Variants in TBL1X observed in about 807,000 individuals in gnomAD.
TBL1X encodes F-box-like/WD repeat-containing protein TBL1X.
TBL1X carries 10 observed loss-of-function variants against 50.7 expected under a neutral mutation model. The ratio of observed to expected loss-of-function variants is 0.20; its 90% confidence interval spans 0.12 to 0.33. The LOEUF (loss-of-function observed/expected upper bound fraction) is 0.33, where lower values mean the gene tolerates loss of function less well. Ranked by LOEUF, TBL1X falls within the 10% of genes least tolerant of loss-of-function variation. TBL1X has a pLI of 1.00. For synonymous variants in TBL1X, 190 were observed against 214.7 expected, an observed-to-expected ratio of 0.88 and a Z score of 1.01; for missense variants, 340 against 504.4, an observed-to-expected ratio of 0.67 and a Z score of 3.12.
chrX:9,692,683 T>C (rs769838463), intron 9 of TBL1X, among the ~76,000 whole-genome samples: 3 of 112,875 alleles, frequency 2.7e-5, no homozygotes, highest in African/African-American at 9.6e-5. Context: ...GCTGGGATTA[T>C]AGGCGTGAGC....
intron 15 of TBL1X, 42 bp from the exon 16 acceptor site, chrX:9,711,569 C>A (rs755995762): frequency 1.8e-6 from 2 of 1,118,366 alleles, no homozygotes; most frequent in African/African-American, 1.8e-5. Flanking sequence ...TGTTTGAAAC[C>A]ACCGTGTGTA....
intron 2 of TBL1X, among the ~76,000 whole-genome samples, chrX:9,588,607 A>ATT (rs112613645): frequency 4.4e-4 from 44 of 100,524 alleles, no homozygotes; most frequent in East Asian, 9.4e-4. Flanking sequence ...ATTCATTTTG[A>ATT]TTTTTTTTTT....
chrX:9,608,122 C>T (rs182030630), intron 2 of TBL1X, among the ~76,000 whole-genome samples: 4 of 110,860 alleles, frequency 3.6e-5, no homozygotes, highest in African/African-American at 1.3e-4. Flanking sequence ...TCAATTTGGG[C>T]TTGTTCAGTG....
intron 1 of TBL1X, among the ~76,000 whole-genome samples, chrX:9,488,555 A>G (rs1001290656): frequency 2.7e-5 from 3 of 112,153 alleles, no homozygotes; most frequent in African/African-American, 9.7e-5. Flanking sequence ...CCACATCTCA[A>G]GAGACTTAAT....
At chrX:9,660,002 A>G (rs1033241301) in intron 5 of TBL1X, among the ~76,000 whole-genome samples, 1 of 112,339 alleles carries the variant, frequency 8.9e-6, no homozygotes, top group Non-Finnish European at 1.9e-5. Context: ...CTCCTTAAGC[A>G]GTGCCGTTGG....
intron 2 of TBL1X, among the ~76,000 whole-genome samples, chrX:9,515,719 C>T (rs934848633): frequency 8.9e-6 from 1 of 112,026 alleles, no homozygotes; most frequent in African/African-American, 3.2e-5. Flanking sequence ...TATGATAAGA[C>T]AGAATTTATT....
intron 2 of TBL1X, among the ~76,000 whole-genome samples, chrX:9,502,801 C>G (rs2082007816): frequency 8.9e-6 from 1 of 112,351 alleles, no homozygotes; most frequent in South Asian, 3.7e-4. Context: ...CACAGTGTTC[C>G]TGCCCTCTGC....
At chrX:9,713,421 C>CTTTTTTTTTTTTTTTTTTTTTTTTTT (rs757107084) in intron 16 of TBL1X, among the ~76,000 whole-genome samples, 3 of 87,570 alleles carry the variant, frequency 3.4e-5, no homozygotes, top group South Asian at 9.8e-4. Flanking sequence ...ATCCTTAGGA[C>CTTTTTTTTTTTTTTTTTTTTTTTTTT]TTTTCTTTTT....
At chrX:9,663,898 T>C (rs573590579) in intron 5 of TBL1X, among the ~76,000 whole-genome samples, 37 of 110,423 alleles carry the variant, frequency 3.4e-4, no homozygotes, top group African/African-American at 1.2e-3. Flanking sequence ...TGGGAGCACG[T>C]GCGTACAAAG....
chrX:9,669,217 G>A (rs763878962), intron 5 of TBL1X, among the ~76,000 whole-genome samples: 3 of 111,210 alleles, frequency 2.7e-5, no homozygotes, highest in Non-Finnish European at 5.7e-5. Context: ...CCTGCAAGCT[G>A]AAGCTTATTC....
chrX:9,568,304 G>A (rs746422673), intron 2 of TBL1X, among the ~76,000 whole-genome samples: 8 of 109,834 alleles, frequency 7.3e-5, no homozygotes, highest in African/African-American at 2.7e-4. Context: ...TACTGTGTGT[G>A]TTGTGTGTGT....
At chrX:9,491,329 TA>T (rs1569205509) in intron 1 of TBL1X, among the ~76,000 whole-genome samples, 354 of 29,251 alleles carry the variant, frequency 0.012, 6 homozygotes, top group African/African-American at 0.041. Context: ...TATATATATA[TA>T]TATATATATT....
intron 2 of TBL1X, among the ~76,000 whole-genome samples, chrX:9,535,924 A>G (rs2146977354): frequency 8.9e-6 from 1 of 112,125 alleles, no homozygotes; most frequent in Admixed American, 9.4e-5. Context: ...GTTCTGTATC[A>G]TATTCCCAAG....
intron 2 of TBL1X, among the ~76,000 whole-genome samples, chrX:9,632,134 A>T (rs975033887): frequency 9.0e-6 from 1 of 111,702 alleles, no homozygotes; most frequent in Admixed American, 9.5e-5. Context: ...TTTGTCACTG[A>T]TTTTCAAGAA....
chrX:9,667,715 G>A (rs188702062), intron 5 of TBL1X, among the ~76,000 whole-genome samples: 199 of 111,768 alleles, frequency 1.8e-3, no homozygotes, highest in Non-Finnish European at 2.4e-3. Flanking sequence ...AAGGAAGAGG[G>A]GAAAGGAAAG....
At chrX:9,624,083 G>A (rs2082680686) in intron 2 of TBL1X, among the ~76,000 whole-genome samples, 4 of 112,309 alleles carry the variant, frequency 3.6e-5, no homozygotes, top group Admixed American at 1.9e-4. Flanking sequence ...TATAGTGGAG[G>A]AACCAAACTG....
At chrX:9,526,093 CTGTGCATG>C (rs1434635433) in intron 2 of TBL1X, among the ~76,000 whole-genome samples, 1 of 94,200 alleles carries the variant, frequency 1.1e-5, no homozygotes, top group Non-Finnish European at 2.0e-5. Flanking sequence ...GAGAGAACGT[CTGTGCATG>C]TGTGTATGTG....
chrX:9,622,094 T>A (rs2082670180), intron 2 of TBL1X, among the ~76,000 whole-genome samples: 1 of 111,946 alleles, frequency 8.9e-6, no homozygotes, highest in Non-Finnish European at 1.9e-5. Flanking sequence ...TTTCTGATTT[T>A]TTTTTTTTCT....
chrX:9,712,444 T>G (rs1296277746), intron 16 of TBL1X, among the ~76,000 whole-genome samples: 1 of 112,449 alleles, frequency 8.9e-6, no homozygotes, highest in African/African-American at 3.2e-5. Flanking sequence ...TTCAAGCAAG[T>G]CTCCTGCCTC....
Sources: allele counts gnomAD v4.1 joint callset (sites outside exome capture counted in the v4.1 genomes callset), GRCh38; gene constraint gnomAD v4.1.1; transcripts MANE v1.5; gene names NCBI Gene and HGNC (gene_info 2026-07-23, HGNC 2026-07-21).